ALPK1: variants seen among roughly 807,000 people sequenced by gnomAD.
ALPK1 encodes the protein alpha-protein kinase 1.
ALPK1 carries 110 observed loss-of-function variants against 120.6 expected under a neutral mutation model. The ratio of observed to expected loss-of-function variants is 0.91; its 90% CI spans 0.78 to 1.07. The LOEUF (loss-of-function observed/expected upper bound fraction) is 1.07, where lower values mean the gene tolerates loss of function less well. Ranked by LOEUF, ALPK1 falls within the 50% of genes least tolerant of loss-of-function variation. The pLI is 0.00. For missense variants in ALPK1, 1,498 were observed against 1,483.9 expected, an observed-to-expected ratio of 1.01 and a Z score of -0.16; for synonymous variants, 582 against 560.3, an observed-to-expected ratio of 1.04 and a Z score of -0.55.
chr4:112,375,391 G>A (rs1372150538), intron 2 of ALPK1, among the ~76,000 whole-genome samples: 1 of 152,024 alleles, frequency 6.6e-6, no homozygotes, highest in Non-Finnish European at 1.5e-5. Context: ...TGTTGCCCAG[G>A]CTGGGCATTA....
chr4:112,357,841 G>A, intron 2 of ALPK1: 1 of 1,063,538 alleles, frequency 9.4e-7, no homozygotes, highest in East Asian at 2.4e-5. Context: ...GTTCTGGCAG[G>A]CCCACTACTT....
intron 2 of ALPK1, among the ~76,000 whole-genome samples, chr4:112,328,255 G>A (rs949256614): frequency 7.9e-5 from 12 of 152,232 alleles, no homozygotes; most frequent in Non-Finnish European, 1.6e-4. Context: ...CCACTGTTGT[G>A]GGACTAGACT....
At chr4:112,429,049 C>T in intron 9 of ALPK1, 100 bp from the exon 10 acceptor site, 1 of 1,089,368 alleles carries the variant, frequency 9.2e-7, no homozygotes, top group Non-Finnish European at 1.4e-6. Context: ...TGAGGAGTCC[C>T]TTGAAATCAT....
Position 112,426,547 on chromosome 4 carries a change from G to A in ALPK1, c.699+4G>A, listed in dbSNP as rs766054218. On this transcript the variant is annotated splice_donor_region_variant and intron_variant, in intron 8 of 15. Coordinates refer to ENST00000650871, the MANE Select transcript of ALPK1 (RefSeq NM_025144.4). Reference sequence around the variant, plus strand: ...ACTTCCTCAGCCGGATAAAAAGGTGGTTTGTCTAGTGCTTCTTTTTCTCCT... The same window carrying A: ...ACTTCCTCAGCCGGATAAAAAGGTGATTTGTCTAGTGCTTCTTTTTCTCCT... The A allele has an allele frequency of 6.4e-7, 1 of 1,561,680 alleles. No homozygotes were observed. Among genetic ancestry groups the A allele is most frequent in the Non-Finnish European group, 8.6e-7 (1 of 1,158,452 alleles).
At chr4:112,358,429 T>G (rs1041209103) in intron 2 of ALPK1, 2 of 647,926 alleles carry the variant, frequency 3.1e-6, no homozygotes, top group African/African-American at 3.6e-5. Context: ...CTAAGTCAAC[T>G]GGCCCCCTCC....
Position 112,432,329 on chromosome 4 carries a change from T to G in ALPK1, c.2782T>G (p.Ser928Ala). The G allele has an allele frequency of 6.2e-7, 1 of 1,614,216 alleles. No individual in the cohort carries two copies. The highest frequency in any genetic ancestry group is 8.5e-7 in the Non-Finnish European group (1 of 1,180,040). Residue 928 changes from serine to alanine, a missense_variant, in exon 11 of 16, where the codon TCA (serine) becomes GCA (alanine). Physicochemically the swap from Ser to Ala is moderately conservative, Grantham distance 99. Transcript: ENST00000650871. ...CTGCAGCCAGAACTCCAGCTCATCC[T>G]CAGTGTGGTGGCTGAAATCACCTGC... is the stretch of plus-strand genomic sequence containing the variant. ...LNCSQNSSSS[S>A]VWWLKSPAFS...
At chr4:112,440,165 T>C (rs1219986809) in intron 14 of ALPK1, among the ~76,000 whole-genome samples, 2 of 152,162 alleles carry the variant, frequency 1.3e-5, no homozygotes, top group East Asian at 3.8e-4. Context: ...CTTAAGTAGA[T>C]TTGAGTGATG....
intron 2 of ALPK1, chr4:112,358,251 G>A: frequency 3.4e-6 from 2 of 587,960 alleles, no homozygotes; most frequent in Non-Finnish European, 3.2e-6. Context: ...GCAGACGCCA[G>A]AGCCCAGCTG....
At chr4:112,398,321 C>G (rs186604833) in intron 4 of ALPK1, among the ~76,000 whole-genome samples, 3 of 152,274 alleles carry the variant, frequency 2.0e-5, no homozygotes, top group Admixed American at 1.3e-4. Context: ...CAGCGTCTTG[C>G]TCTGTTGCCC....
At chr4:112,301,859 A>G (rs1232939097) in intron 1 of ALPK1, among the ~76,000 whole-genome samples, 2 of 152,014 alleles carry the variant, frequency 1.3e-5, no homozygotes, top group African/African-American at 4.8e-5. Context: ...CTAGGCTCAC[A>G]TTTTAGAGCC....
At chr4:112,395,189 G>A (rs1446467932) in intron 4 of ALPK1, among the ~76,000 whole-genome samples, 1 of 152,180 alleles carries the variant, frequency 6.6e-6, no homozygotes, top group Non-Finnish European at 1.5e-5. Flanking sequence ...CAGATGAGAT[G>A]ATTGGCTCAG....
intron 2 of ALPK1, chr4:112,316,327 G>C (rs1728633300): frequency 1.3e-5 from 2 of 152,108 alleles, no homozygotes; most frequent in Non-Finnish European, 2.9e-5. Context: ...CTGTCCTCAA[G>C]GTTCATCCAT....
At chr4:112,343,156 C>A (rs1190698743) in intron 2 of ALPK1, 1 of 152,234 alleles carries the variant, frequency 6.6e-6, no homozygotes, top group Non-Finnish European at 1.5e-5. Context: ...CACACAGGGA[C>A]TGACGTGCTG....
intron 2 of ALPK1, among the ~76,000 whole-genome samples, chr4:112,338,008 C>A (rs1011685032): frequency 4.6e-5 from 7 of 152,134 alleles, no homozygotes; most frequent in Non-Finnish European, 8.8e-5. Context: ...ACTCTGTCGC[C>A]CAGGCTGGAG....
intron 2 of ALPK1, among the ~76,000 whole-genome samples, chr4:112,376,555 G>T (rs547530733): frequency 6.6e-6 from 1 of 152,276 alleles, no homozygotes; most frequent in African/African-American, 2.4e-5. Flanking sequence ...AGGGAAAAAG[G>T]CTTTCTTGCT....
At chr4:112,417,102 T>C (rs967897754) in intron 5 of ALPK1, among the ~76,000 whole-genome samples, 2 of 152,174 alleles carry the variant, frequency 1.3e-5, no homozygotes, top group Non-Finnish European at 2.9e-5. Context: ...TCGGATTTTA[T>C]ACCTAGCAAA....
In ALPK1 at chr4:112,430,898, G is replaced by T; in HGVS notation, c.1351G>T (p.Asp451Tyr). Residue 451 changes from aspartate to tyrosine, a missense_variant, in exon 11 of 16, where the codon GAT becomes TAT. Physicochemically the swap from Asp to Tyr is radical, Grantham distance 160 (BLOSUM62 -3). Coordinates refer to ENST00000650871, the MANE Select transcript of ALPK1 (RefSeq NM_025144.4). ...TAAACTTATCTTGCATGGGCAAGGG[G>T]ATTTCCAAAAAATCCTTGACACCTA... ...LDKLILHGQG[D>Y]FQKILDTYSQ... The T allele has an allele frequency of 6.2e-7, 1 of 1,614,124 alleles. No homozygotes were observed. Among genetic ancestry groups the T allele is most frequent in the Non-Finnish European group, 8.5e-7 (1 of 1,179,982 alleles).
Position 112,432,319 on chromosome 4 carries a change from C to G in ALPK1, c.2772C>G (p.Ser924=), listed in dbSNP as rs1209859965. 1.2e-6 allele frequency: 2 copies of G among 1,614,092 alleles called. No individual in the cohort carries two copies. Among genetic ancestry groups the G allele is most frequent in the Non-Finnish European group, 1.7e-6 (2 of 1,180,048 alleles). The change falls in exon 11 of 16, where the codon TCC becomes TCG. Residue 924 remains serine (S), a synonymous_variant. Coordinates refer to ENST00000650871, the MANE Select transcript of ALPK1 (RefSeq NM_025144.4). ...PGNMLNCSQN[S]SSSSVWWLKS... ...ACATGCTAAACTGCAGCCAGAACTC[C>G]AGCTCATCCTCAGTGTGGTGGCTGA...
Position 112,407,837 on chromosome 4 carries a change from G to A in ALPK1, c.277-3990G>A, listed in dbSNP as rs115280237. ...AAGAATGGAGAGCAGTGCTGGGCAC[G>A]GTGGCTCACGCCTGTAATCCAGCAC... On this transcript the variant is annotated intron_variant, in intron 4 of 15. Transcript: ENST00000650871. 6.7e-3 allele frequency among the ~76,000 whole-genome samples: 1,015 copies of A among 152,196 alleles called. 13 individuals are homozygous for A. Among genetic ancestry groups the A allele is most frequent in the African/African-American group, 0.023 (970 of 41,538 alleles).
Sources: gnomAD v4.1 joint callset for allele counts (sites outside exome capture counted in the v4.1 genomes callset) on GRCh38, gnomAD v4.1.1 for gene constraint, MANE v1.5 for transcripts, NCBI Gene and HGNC (gene_info 2026-07-23, HGNC 2026-07-21) for gene names.